Variants in KIF21A observed in about 807,000 individuals in gnomAD.
KIF21A encodes the protein kinesin family member 21A.
In KIF21A, 114 loss-of-function variants were observed where a neutral mutation model predicts 202.9. That is an observed-to-expected ratio of 0.56 (90% CI 0.48 to 0.66). KIF21A has a LOEUF of 0.66. Ranked by LOEUF, KIF21A falls within the 30% of genes least tolerant of loss-of-function variation. The probability of loss-of-function intolerance (pLI) is 0.00; values close to 1 mark genes in which losing one functional copy is unlikely to be tolerated. For missense variants in KIF21A, 1,677 were observed against 1,994.9 expected (o/e 0.84, Z 3.04); for synonymous variants, 667 against 670.8 (o/e 0.99, Z 0.09).
intron 34 of KIF21A, among the ~76,000 whole-genome samples, chr12:39,306,851 A>C (rs536316006): frequency 3.3e-5 from 5 of 152,260 alleles, no homozygotes; most frequent in African/African-American, 1.2e-4. Flanking sequence ...CTCTGTCTTT[A>C]TTCCTAGTAC....
chr12:39,402,381 T>C (rs989279612), intron 1 of KIF21A, among the ~76,000 whole-genome samples: 11 of 152,138 alleles, frequency 7.2e-5, no homozygotes, highest in African/African-American at 2.7e-4. Flanking sequence ...AGATGTCCTC[T>C]AAAGGGTTCT....
chr12:39,332,193 G>A lies in KIF21A; in HGVS notation c.3051+21C>T, dbSNP rs373139713. 135 of 1,603,870 alleles carry A rather than the reference G, an allele frequency of 8.4e-5. No individual in the cohort carries two copies. The Admixed American group carries it at 9.7e-4, about 11-fold the overall frequency. On this transcript the variant is annotated intron_variant, in intron 21 of 37. Transcript: ENST00000361418. ...AAAGTACTTTTCATTAAACCATTAC[G>A]CTTTTTTAAAAATTACAAACCTTTG...
intron 1 of KIF21A, among the ~76,000 whole-genome samples, chr12:39,385,629 C>T (rs1460288461): frequency 6.6e-6 from 1 of 152,094 alleles, no homozygotes; most frequent in African/African-American, 2.4e-5. Flanking sequence ...TTAGATAAGA[C>T]TTGAAGACTC....
At chr12:39,436,452 T>A (rs868809357) in intron 1 of KIF21A, among the ~76,000 whole-genome samples, 4,303 of 89,352 alleles carry the variant, frequency 0.048, 163 homozygotes, top group South Asian at 0.18. Context: ...ATATATATTT[T>A]TTTTTTTTTT....
rs1592778622 is a variant in KIF21A at position 39,442,254 on chromosome 12, C to A, written c.44+673G>T. Among the ~76,000 whole-genome samples, 1 of 152,164 alleles carries A rather than the reference C, an allele frequency of 6.6e-6. No individual in the cohort carries two copies. The highest frequency in any genetic ancestry group is 1.9e-4 in the East Asian group (1 of 5,184). On this transcript the variant is annotated intron_variant, in intron 1 of 37. Coordinates refer to ENST00000361418, the MANE Select transcript of KIF21A (RefSeq NM_001173464.2). The surrounding 1 kb of genome is among the most constrained non-coding windows in gnomAD (Gnocchi z 5.0). ...CTTCCTCTGGCTAAAGAGTTTTCCTCCTTCTGTAGACCTCTCCCCAGTGGA... is the reference window on the plus strand; with the variant it reads ...CTTCCTCTGGCTAAAGAGTTTTCCTACTTCTGTAGACCTCTCCCCAGTGGA...
At position 39,357,483 on chromosome 12, in the gene KIF21A, A is replaced by G. The variant is rs1592313663; in HGVS notation, c.1216-46T>C. On this transcript the variant is annotated intron_variant, in intron 8 of 37. Coordinates refer to ENST00000361418, the MANE Select transcript of KIF21A (RefSeq NM_001173464.2). ...CCTTGTTGGTTGAGGAGCCTTAAAA[A>G]CACAAGAGTTTTGCTTAAGAATACT... 4.0e-6 allele frequency: 6 copies of G among 1,515,358 alleles called. No individual in the cohort carries two copies. The East Asian group carries it at 1.1e-4, about 28-fold the overall frequency. 93.9% of individuals were successfully genotyped at this position (1,515,358 alleles called of 1,614,324 possible). A position where few individuals can be genotyped will look rare whatever the true frequency, so the allele number is the denominator to read the frequency against.
intron 27 of KIF21A, 195 bp downstream of exon 27, chr12:39,322,473 C>A (rs1274216974): frequency 3.9e-6 from 2 of 514,932 alleles, no homozygotes; most frequent in Non-Finnish European, 6.8e-6. Context: ...CAAAGCAATT[C>A]AACAAAGGAC....
intron 1 of KIF21A, among the ~76,000 whole-genome samples, chr12:39,431,304 T>C (rs1457267282): frequency 2.0e-5 from 3 of 152,130 alleles, no homozygotes; most frequent in Non-Finnish European, 4.4e-5. Flanking sequence ...GGGGACAAGT[T>C]TCCCTCTCCA....
chr12:39,356,597 T>C (rs1484430334), intron 10 of KIF21A: 1 of 360,460 alleles, frequency 2.8e-6, no homozygotes, highest in African/African-American at 2.1e-5. Context: ...CACCCAATAT[T>C]GGGACATAGC....
At chr12:39,360,387 A>C (rs1160117892) in intron 7 of KIF21A, among the ~76,000 whole-genome samples, 2 of 145,430 alleles carry the variant, frequency 1.4e-5, no homozygotes, top group Admixed American at 6.8e-5. Flanking sequence ...AGGTATTAGA[A>C]ATATGATTTT....
intron 1 of KIF21A, among the ~76,000 whole-genome samples, chr12:39,409,524 G>GAA (rs766308414): frequency 1.1e-5 from 1 of 87,942 alleles, no homozygotes; most frequent in East Asian, 3.1e-4. Flanking sequence ...CCATGTCTCA[G>GAA]AAAAAAAAAA....
At chr12:39,351,669 T>C in intron 11 of KIF21A, 108 bp downstream of exon 11, 1 of 679,400 alleles carries the variant, frequency 1.5e-6, no homozygotes, top group South Asian at 1.8e-5. Context: ...AGTGATTTAT[T>C]TCATATACTA....
rs764601859 is a variant in KIF21A, at chr12:39,333,103, G to A, written c.2492C>T (p.Thr831Met). 74 of 1,613,602 alleles carry A rather than the reference G, an allele frequency of 4.6e-5. No homozygotes were observed. Among genetic ancestry groups the A allele is most frequent in the East Asian group, 1.1e-4 (5 of 44,892 alleles). The change falls in exon 19 of 38, where the codon ACG becomes ATG. Residue 831 changes from threonine (T) to methionine (M), a missense_variant. Transcript: ENST00000361418. ...GGGTCTTACTTGCCGACGAAGAGCCGTAACCTGAAATTGCAGCAAAGGTTG... is the reference window on the plus strand; with the variant it reads ...GGGTCTTACTTGCCGACGAAGAGCCATAACCTGAAATTGCAGCAAAGGTTG... Reference protein sequence around the residue: ...VVLRRKTEEVTALRRQVRPMS... With the variant: ...VVLRRKTEEVMALRRQVRPMS...
At chr12:39,331,854 TA>T in intron 21 of KIF21A, 63 bp from the exon 22 acceptor site, 2 of 1,208,928 alleles carry the variant, frequency 1.7e-6, no homozygotes, top group Non-Finnish European at 2.5e-6. Flanking sequence ...GGCAACAGCC[TA>T]TTGTTTCACA....
At chr12:39,413,465 G>A (rs900927861) in intron 1 of KIF21A, among the ~76,000 whole-genome samples, 1 of 152,202 alleles carries the variant, frequency 6.6e-6, no homozygotes, top group Non-Finnish European at 1.5e-5. Flanking sequence ...CAACAAGAAA[G>A]TGTGTCAGAT....
rs530018336 is a variant in KIF21A, at chr12:39,307,627, G to A, written c.4380C>T (p.Asn1460=). 1 of 1,614,032 alleles carries A rather than the reference G, an allele frequency of 6.2e-7. No homozygotes were observed. The highest frequency in any genetic ancestry group is 8.5e-7 in the Non-Finnish European group (1 of 1,179,986). ...CAGCATAGAGGAAGGTGCCAGTTGG[G>A]TTTAGGGCAATTTGATTGATCTGGT... ...GENQINQIAL[N]PTGTFLYAAS... Residue 1460 remains asparagine (N), a synonymous_variant, in exon 34 of 38, where the codon AAC becomes AAT. Transcript: ENST00000361418.
chr12:39,329,078 C>A (rs1174643024), intron 24 of KIF21A, among the ~76,000 whole-genome samples: 1 of 152,206 alleles, frequency 6.6e-6, no homozygotes, highest in African/African-American at 2.4e-5. Flanking sequence ...AACTGGAGAA[C>A]AACTAAATGA....
chr12:39,406,652 A>C (rs1344458702), intron 1 of KIF21A, among the ~76,000 whole-genome samples: 2 of 152,144 alleles, frequency 1.3e-5, no homozygotes, highest in Non-Finnish European at 2.9e-5. Context: ...TAAGCTTTTC[A>C]AGGGAAGGAC....
At chr12:39,325,775 G>A in intron 26 of KIF21A, 64 bp downstream of exon 26, 3 of 1,139,068 alleles carry the variant, frequency 2.6e-6, no homozygotes, top group Non-Finnish European at 4.0e-6. Flanking sequence ...GAACCTATGT[G>A]TTAAATAGTG....
Sources: allele counts gnomAD v4.1 joint callset (sites outside exome capture counted in the v4.1 genomes callset), GRCh38; gene constraint gnomAD v4.1.1; non-coding constraint Gnocchi (gnomAD v3.1); transcripts MANE v1.5; gene names NCBI Gene and HGNC (gene_info 2026-07-23, HGNC 2026-07-21).